Variants in ERCC6L2 observed in about 807,000 individuals in gnomAD.
The protein encoded by ERCC6L2 is ERCC excision repair 6 like 2, also known as DNA excision repair protein ERCC-6-like 2.
ERCC6L2 carries 77 observed loss-of-function variants against 132.0 expected under a neutral mutation model. That is an observed-to-expected ratio of 0.58 (90% CI 0.49 to 0.71). The LOEUF (loss-of-function observed/expected upper bound fraction) is 0.71, where lower values mean the gene tolerates loss of function less well. ERCC6L2 is among the 30% of genes least tolerant of loss of function. The pLI, the probability that ERCC6L2 is intolerant of heterozygous loss-of-function variation, is 0.00. For synonymous variants in ERCC6L2, 583 were observed against 632.4 expected (o/e 0.92, Z 1.17); for missense variants, 1,542 against 1,837.6 (o/e 0.84, Z 2.94).
rs760229922 is a variant in ERCC6L2 at position 96,016,172 on chromosome 9, C to T, written c.*2969C>T. Among the ~76,000 whole-genome samples, 8 of 152,152 alleles carry T rather than the reference C, an allele frequency of 5.3e-5. No homozygotes were observed. The highest frequency in any genetic ancestry group is 1.0e-4 in the Non-Finnish European group (7 of 68,028). Reference sequence around the variant, plus strand: ...TTACCTCCTTTTAGCCTTAGTTTCCCCTTTAAATTGGTGATGGATTAGATC... The same window carrying T: ...TTACCTCCTTTTAGCCTTAGTTTCCTCTTTAAATTGGTGATGGATTAGATC... On this transcript the variant is annotated 3_prime_UTR_variant, in exon 19 of 19. Coordinates refer to ENST00000653738, the MANE Select transcript of ERCC6L2 (RefSeq NM_020207.7).
intron 19 of ERCC6L2, among the ~76,000 whole-genome samples, chr9:96,027,271 CT>C (rs1437856672): frequency 1.3e-5 from 2 of 152,162 alleles, no homozygotes; most frequent in African/African-American, 4.8e-5. Flanking sequence ...GTGGTGTGTG[CT>C]CTAGTTCCCG....
chr9:96,020,739 G>A (rs529860963), downstream of ERCC6L2: 241 of 456,528 alleles, frequency 5.3e-4, 1 homozygote, highest in Middle Eastern at 1.6e-3. Context: ...GGAGTCCTCA[G>A]AAAAGGCCAC....
At chr9:95,936,199 A>C (rs527785636) in intron 11 of ERCC6L2, among the ~76,000 whole-genome samples, 1 of 152,138 alleles carries the variant, frequency 6.6e-6, no homozygotes, top group Non-Finnish European at 1.5e-5. Context: ...GAGAAGAAGA[A>C]GTCTATAGTG....
intron 3 of ERCC6L2, among the ~76,000 whole-genome samples, chr9:95,902,230 A>T (rs1477512985): frequency 6.6e-6 from 1 of 152,160 alleles, no homozygotes; most frequent in East Asian, 1.9e-4. Flanking sequence ...CATTTTAAAC[A>T]TTGATTTTTG....
At chr9:96,040,506 G>A (rs1834566354) in intron 20 of ERCC6L2, among the ~76,000 whole-genome samples, 1 of 152,224 alleles carries the variant, frequency 6.6e-6, no homozygotes, top group South Asian at 2.1e-4. Flanking sequence ...AGGCGCTGGT[G>A]CCCTCGGAGC....
intron 12 of ERCC6L2, among the ~76,000 whole-genome samples, chr9:95,946,228 T>G (rs1223432297): frequency 2.0e-5 from 3 of 152,096 alleles, no homozygotes; most frequent in African/African-American, 7.2e-5. Flanking sequence ...CATATTCCTC[T>G]CTTAAAAAAT....
downstream of ERCC6L2, chr9:96,021,325 C>T (rs1234634836): frequency 6.1e-6 from 2 of 327,314 alleles, no homozygotes; most frequent in Non-Finnish European, 1.2e-5. This position sits in a 1 kb window ranked among gnomAD's most constrained non-coding sequence, Gnocchi z 4.7. Context: ...ATGGCTTGGC[C>T]GGCTGGAAAC....
chr9:95,935,013 T>C (rs1270922108), intron 11 of ERCC6L2, among the ~76,000 whole-genome samples: 1 of 152,220 alleles, frequency 6.6e-6, no homozygotes, highest in African/African-American at 2.4e-5. Flanking sequence ...CTTTACTGCT[T>C]TATTTTGTCT....
chr9:96,018,972 G>A (rs565866993), downstream of ERCC6L2, among the ~76,000 whole-genome samples: 25 of 152,178 alleles, frequency 1.6e-4, no homozygotes, highest in East Asian at 3.9e-3. Flanking sequence ...AATAGGCCTC[G>A]CAGTCTCGTT....
chr9:95,999,568 A>G (rs953512822), intron 17 of ERCC6L2, among the ~76,000 whole-genome samples: 2 of 152,342 alleles, frequency 1.3e-5, no homozygotes, highest in Admixed American at 6.5e-5. Context: ...CAAGACCCAG[A>G]GTAAACACGT....
At chr9:95,964,861 A>ATGTGC (rs1489050221) in intron 13 of ERCC6L2, among the ~76,000 whole-genome samples, 1 of 152,186 alleles carries the variant, frequency 6.6e-6, no homozygotes, top group Non-Finnish European at 1.5e-5. Context: ...GTACAAAATA[A>ATGTGC]TGTGCTTTTT....
intron 14 of ERCC6L2, among the ~76,000 whole-genome samples, chr9:95,969,747 A>G (rs980422913): frequency 3.3e-5 from 5 of 152,170 alleles, no homozygotes; most frequent in Admixed American, 1.3e-4. Context: ...TTCAGAAACT[A>G]TCATTCCCTA....
chr9:95,913,016 T>C (rs980353340), intron 4 of ERCC6L2, among the ~76,000 whole-genome samples: 5 of 152,162 alleles, frequency 3.3e-5, no homozygotes, highest in African/African-American at 1.2e-4. Flanking sequence ...GATGCCAAGT[T>C]TGTCCCACAG....
intron 6 of ERCC6L2, chr9:95,918,244 G>T: frequency 2.3e-6 from 1 of 441,974 alleles, no homozygotes. Context: ...CACCATTGCA[G>T]GTCTGGCTGG....
rs1410670599 is a variant in ERCC6L2 at position 96,004,546 on chromosome 9, T to G, written c.3519T>G (p.Asp1173Glu). Residue 1173 changes from aspartate to glutamate, a missense_variant, in exon 18 of 19, where the codon GAT becomes GAG. By Grantham distance (45) the Asp-to-Glu change is conservative. Around this residue, in one of 4 missense-constraint regions of ERCC6L2, gnomAD observed 442 missense variants for 583.4 expected, o/e 0.76. Coordinates refer to ENST00000653738, the MANE Select transcript of ERCC6L2 (RefSeq NM_020207.7). ...SKTYKEKVDA[D>E]TLPHTKKGQQ... ...CATATAAAGAAAAAGTGGATGCAGA[T>G]ACATTGCCACACACAAAGAAAGGCC... The G allele has an allele frequency of 1.5e-6, 2 of 1,307,226 alleles. No individual in the cohort carries two copies. Among genetic ancestry groups the G allele is most frequent in the East Asian group, 1.1e-4 (2 of 18,326 alleles). 81.0% of individuals were successfully genotyped at this position (1,307,226 alleles called of 1,614,324 possible). A position where few individuals can be genotyped will look rare whatever the true frequency, so the allele number is the denominator to read the frequency against.
intron 17 of ERCC6L2, among the ~76,000 whole-genome samples, chr9:95,987,586 TG>T (rs1157561419): frequency 6.6e-6 from 1 of 152,242 alleles, no homozygotes; most frequent in African/African-American, 2.4e-5. Context: ...TGAGCAGCTC[TG>T]CCCCTGTGGC....
chr9:95,878,258 T>C (rs903805662), intron 1 of ERCC6L2, among the ~76,000 whole-genome samples: 1 of 152,256 alleles, frequency 6.6e-6, no homozygotes, highest in Non-Finnish European at 1.5e-5. Context: ...CAAGAGACTG[T>C]ATGGCCTACA....
intron 17 of ERCC6L2, among the ~76,000 whole-genome samples, chr9:95,987,929 G>A (rs1273872502): frequency 6.6e-6 from 1 of 152,254 alleles, no homozygotes; most frequent in Non-Finnish European, 1.5e-5. Flanking sequence ...CTTGACTTCT[G>A]TGCACCCATA....
At position 95,972,233 on chromosome 9, in the gene ERCC6L2, T is replaced by A; in HGVS notation, c.2482T>A (p.Ser828Thr). 7.7e-7 allele frequency: 1 copy of A among 1,304,204 alleles called. No individual in the cohort carries two copies. Among genetic ancestry groups the A allele is most frequent in the Non-Finnish European group, 1.0e-6 (1 of 988,916 alleles). The allele number at this position is 1,304,204 out of a possible 1,614,324, so 80.8% of individuals were successfully genotyped here. Residue 828 changes from serine to threonine, a missense_variant, in exon 16 of 19, where the codon TCA becomes ACA. By Grantham distance (58) the Ser-to-Thr change is moderately conservative (BLOSUM62 1). Transcript: ENST00000653738. Reference sequence around the variant, plus strand: ...TTCTGATGAGCAGCCCACATGCCTTTCAACAGAAGCCAAAGATGCTGGTTG... The same window carrying A: ...TTCTGATGAGCAGCCCACATGCCTTACAACAGAAGCCAAAGATGCTGGTTG... ...ESSDEQPTCL[S>T]TEAKDAGCEK...
Sources: gnomAD v4.1 joint callset for allele counts (sites outside exome capture counted in the v4.1 genomes callset) on GRCh38, gnomAD v4.1.1 for gene constraint, gnomAD v4.1.1 regional missense constraint, Gnocchi (gnomAD v3.1) non-coding constraint, MANE v1.5 for transcripts, NCBI Gene and HGNC (gene_info 2026-07-23, HGNC 2026-07-21) for gene names.